Variants in CSMD2 observed in about 807,000 individuals in gnomAD.
CSMD2 encodes the protein CUB and Sushi multiple domains 2, also known as CUB and sushi domain-containing protein 2.
CSMD2 carries 130 observed loss-of-function variants against 398.5 expected under a neutral mutation model. The observed-to-expected ratio is 0.33, with a 90% CI of 0.28 to 0.38. The LOEUF (loss-of-function observed/expected upper bound fraction) is 0.38. Ranked by LOEUF, CSMD2 falls within the 10% of genes least tolerant of loss-of-function variation. The probability of loss-of-function intolerance (pLI) is 1.00; values close to 1 mark genes in which losing one functional copy is unlikely to be tolerated. For synonymous variants in CSMD2, 1,828 were observed against 1,908.5 expected, an observed-to-expected ratio of 0.96 and a Z score of 1.10; for missense variants, 3,829 against 4,764.9, an observed-to-expected ratio of 0.80 and a Z score of 5.78.
intron 10 of CSMD2, among the ~76,000 whole-genome samples, chr1:33,794,178 C>T (rs1654673861): frequency 6.6e-6 from 1 of 152,208 alleles, no homozygotes; most frequent in Non-Finnish European, 1.5e-5. Flanking sequence ...AAGGTGCTTT[C>T]TCAGGTATCC....
intron 7 of CSMD2, among the ~76,000 whole-genome samples, chr1:33,822,520 C>A (rs913767903): frequency 6.6e-6 from 1 of 152,162 alleles, no homozygotes; most frequent in Non-Finnish European, 1.5e-5. Context: ...GTGCAGTGCA[C>A]GTTCAAGCCA....
At chr1:33,531,600 A>G (rs1284852901) in intron 64 of CSMD2, among the ~76,000 whole-genome samples, 1 of 152,264 alleles carries the variant, frequency 6.6e-6, no homozygotes, top group Non-Finnish European at 1.5e-5. Flanking sequence ...ATAAACAAAA[A>G]GTGATGTCCA....
intron 44 of CSMD2, among the ~76,000 whole-genome samples, chr1:33,591,358 C>T (rs1010148203): frequency 1.3e-5 from 2 of 152,132 alleles, no homozygotes; most frequent in African/African-American, 4.8e-5. Context: ...TTGAGCTTAC[C>T]AAAGGACTCA....
At position 33,600,945 on chromosome 1, in the gene CSMD2, A is replaced by C; in HGVS notation, c.6776T>G (p.Val2259Gly). The C allele has an allele frequency of 5.6e-6, 9 of 1,614,020 alleles. No homozygotes were observed. The highest frequency in any genetic ancestry group is 7.6e-6 in the Non-Finnish European group (9 of 1,179,996). The change falls in exon 44 of 71, where the codon GTG becomes GGG. Residue 2259 changes from valine (V) to glycine (G), a missense_variant. Val to Gly is a moderately radical substitution (Grantham distance 109). Around this residue, in one of 5 missense-constraint regions of CSMD2, gnomAD observed 723 missense variants for 758.6 expected, o/e 0.95. Coordinates refer to ENST00000373381, the MANE Select transcript of CSMD2 (RefSeq NM_001281956.2). ...VFTRSMAKKT[V>G]QSSSNQVLLK... ...CAGGACCTGGTTGGATGAACTCTGC[A>C]CTGTTTTCTTGGCCATGCTCCGGGT...
intron 24 of CSMD2, among the ~76,000 whole-genome samples, chr1:33,693,459 G>C (rs1051082269): frequency 6.6e-6 from 1 of 152,210 alleles, no homozygotes; most frequent in Admixed American, 6.5e-5. Context: ...CGTAGGTGGG[G>C]AGTGGAGAAA....
intron 19 of CSMD2, among the ~76,000 whole-genome samples, chr1:33,719,045 C>T (rs1646267443): frequency 6.6e-6 from 1 of 151,780 alleles, no homozygotes; most frequent in Admixed American, 6.6e-5. Flanking sequence ...AGACACATCA[C>T]TACTAGTGAG....
At chr1:33,974,839 C>T (rs1195000703) in intron 3 of CSMD2, among the ~76,000 whole-genome samples, 2 of 152,214 alleles carry the variant, frequency 1.3e-5, no homozygotes, top group African/African-American at 4.8e-5. Flanking sequence ...GAATGACCTT[C>T]TTAGGACTGG....
chr1:33,708,369 A>G (rs1571297459), intron 22 of CSMD2, among the ~76,000 whole-genome samples: 1 of 150,742 alleles, frequency 6.6e-6, no homozygotes, highest in East Asian at 1.9e-4. Flanking sequence ...ATGCTGACAC[A>G]GGTATGCACA....
At chr1:33,981,993 C>T (rs1459808840) in intron 3 of CSMD2, among the ~76,000 whole-genome samples, 1 of 152,090 alleles carries the variant, frequency 6.6e-6, no homozygotes, top group Non-Finnish European at 1.5e-5. Context: ...TGTAAGTCTG[C>T]TGATTTGTGC....
At chr1:33,622,377 A>G (rs1284177052) in intron 36 of CSMD2, 106 bp from the exon 37 acceptor site, 2 of 780,938 alleles carry the variant, frequency 2.6e-6, no homozygotes, top group Non-Finnish European at 4.5e-6. Flanking sequence ...TCTGCTCCCA[A>G]GGCCCCCAGA....
chr1:33,657,844 C>T, intron 27 of CSMD2, 102 bp downstream of exon 27: 1 of 1,175,544 alleles, frequency 8.5e-7, no homozygotes, highest in Non-Finnish European at 1.2e-6. Context: ...TGTTTCAATT[C>T]TCTTGGCCCC....
intron 42 of CSMD2, among the ~76,000 whole-genome samples, chr1:33,604,623 C>T (rs950440520): frequency 1.3e-5 from 2 of 152,190 alleles, no homozygotes; most frequent in Non-Finnish European, 2.9e-5. Flanking sequence ...ATTTCTGCCA[C>T]TCCTCCAGGA....
chr1:34,094,749 A>G (rs1659075126), intron 1 of CSMD2, among the ~76,000 whole-genome samples: 1 of 152,222 alleles, frequency 6.6e-6, no homozygotes, highest in Non-Finnish European at 1.5e-5. Flanking sequence ...GAGCACCCAG[A>G]TTCATAAAGC....
At chr1:34,059,854 A>G (rs1654269529) in intron 2 of CSMD2, among the ~76,000 whole-genome samples, 1 of 152,086 alleles carries the variant, frequency 6.6e-6, no homozygotes, top group Admixed American at 6.5e-5. Context: ...TCTGGGCTGA[A>G]TCCCTGTCAA....
At chr1:34,146,423 A>T (rs188027166) in intron 1 of CSMD2, among the ~76,000 whole-genome samples, 8 of 152,254 alleles carry the variant, frequency 5.3e-5, no homozygotes, top group Admixed American at 5.2e-4. Context: ...CTTCTCATTG[A>T]CCTTTGTCTT....
chr1:33,840,412 C>T (rs562655460), intron 6 of CSMD2, among the ~76,000 whole-genome samples: 1 of 152,320 alleles, frequency 6.6e-6, no homozygotes, highest in South Asian at 2.1e-4. Context: ...TGGGTGTCTA[C>T]ATCTCTCAGG....
At position 33,680,918 on chromosome 1, in the gene CSMD2, C is replaced by CTTTTTTTTTTTTTTTTTT. The variant is rs66489770; in HGVS notation, c.4052+11994_4052+12011dup. On this transcript the variant is annotated intron_variant, in intron 25 of 70. Coordinates refer to ENST00000373381, the MANE Select transcript of CSMD2 (RefSeq NM_001281956.2). ...CTTATTTCCATCATCCTGTTTTATG[C>CTTTTTTTTTTTTTTTTTT]TTTTTTTTTTTTTTTTTTTTTTTTG... 1.1e-4 allele frequency among the ~76,000 whole-genome samples: 8 copies of CTTTTTTTTTTTTTTTTTT among 75,940 alleles called. 1 individual carries two copies. The highest frequency in any genetic ancestry group is 1.1e-4 in the Non-Finnish European group (5 of 44,526). The allele number at this position is 75,940 out of a possible 152,430, so 49.8% of individuals were successfully genotyped here.
At chr1:33,726,501 A>G (rs1646534246) in intron 16 of CSMD2, 46 bp downstream of exon 16, 1 of 1,566,856 alleles carries the variant, frequency 6.4e-7, no homozygotes, top group African/African-American at 1.4e-5. Flanking sequence ...TGGCTCTGTA[A>G]AAATCTCCCC....
At chr1:34,109,189 G>T (rs1231589868) in intron 1 of CSMD2, among the ~76,000 whole-genome samples, 2 of 152,226 alleles carry the variant, frequency 1.3e-5, no homozygotes, top group Non-Finnish European at 2.9e-5. Flanking sequence ...AAGGTCATCT[G>T]CAATTTCACT....
Sources: allele counts gnomAD v4.1 joint callset (sites outside exome capture counted in the v4.1 genomes callset), GRCh38; gene constraint gnomAD v4.1.1; regional missense constraint gnomAD v4.1.1; transcripts MANE v1.5; gene names NCBI Gene and HGNC (gene_info 2026-07-23, HGNC 2026-07-21).